The following ZSWIM5 variants were observed in gnomAD, a reference collection of about 807,000 sequenced individuals.
ZSWIM5 encodes the protein zinc finger SWIM domain-containing protein 5.
In ZSWIM5, 55 loss-of-function variants were observed where a neutral mutation model predicts 119.6. The ratio of observed to expected loss-of-function variants is 0.46; its 90% CI spans 0.37 to 0.58. The LOEUF (loss-of-function observed/expected upper bound fraction) is 0.58. Ranked by LOEUF, ZSWIM5 falls within the 20% of genes least tolerant of loss-of-function variation. The pLI is 0.00. For missense variants in ZSWIM5, 1,193 were observed against 1,512.8 expected (o/e 0.79, Z 3.51); for synonymous variants, 537 against 606.9 (o/e 0.88, Z 1.69).
At chr1:45,024,865 G>C (rs1222534969) in intron 11 of ZSWIM5, among the ~76,000 whole-genome samples, 1 of 151,984 alleles carries the variant, frequency 6.6e-6, no homozygotes, top group Non-Finnish European at 1.5e-5. Flanking sequence ...ATGTTGGCCA[G>C]GCTGGTCTTG....
chr1:45,182,190 G>A (rs867138036), intron 1 of ZSWIM5, among the ~76,000 whole-genome samples: 2 of 152,154 alleles, frequency 1.3e-5, no homozygotes, highest in African/African-American at 2.4e-5. Flanking sequence ...GCCGAGGCGG[G>A]CGGATCACGA....
intron 2 of ZSWIM5, among the ~76,000 whole-genome samples, chr1:45,064,915 T>C (rs887819550): frequency 1.3e-5 from 2 of 152,206 alleles, no homozygotes; most frequent in Non-Finnish European, 2.9e-5. Flanking sequence ...GATTCACTAG[T>C]TGGTTTTAGG....
At chr1:45,133,426 C>T (rs1645670861) in intron 1 of ZSWIM5, among the ~76,000 whole-genome samples, 1 of 152,158 alleles carries the variant, frequency 6.6e-6, no homozygotes, top group African/African-American at 2.4e-5. Context: ...TGAGAAGTGT[C>T]CATTCATATC....
At chr1:45,097,611 T>C (rs777294218) in intron 1 of ZSWIM5, among the ~76,000 whole-genome samples, 31 of 152,242 alleles carry the variant, frequency 2.0e-4, no homozygotes, top group African/African-American at 7.2e-4. Context: ...GAAATTATTA[T>C]AAAATGATCA....
intron 2 of ZSWIM5, among the ~76,000 whole-genome samples, chr1:45,063,838 T>C (rs6656325): frequency 0.019 from 2,828 of 151,962 alleles, 93 homozygotes; most frequent in African/African-American, 0.065. Context: ...AAAAATTAGC[T>C]GGGTGTGGTG....
intron 1 of ZSWIM5, among the ~76,000 whole-genome samples, chr1:45,126,659 T>C (rs1645623643): frequency 6.6e-6 from 1 of 151,966 alleles, no homozygotes; most frequent in South Asian, 2.1e-4. Context: ...TCCCAGCACT[T>C]AGAGAGGCAG....
intron 1 of ZSWIM5, among the ~76,000 whole-genome samples, chr1:45,126,786 T>C (rs1460934444): frequency 6.6e-6 from 1 of 152,160 alleles, no homozygotes; most frequent in Non-Finnish European, 1.5e-5. Context: ...ACATAATTGC[T>C]TATAGAAATG....
intron 6 of ZSWIM5, among the ~76,000 whole-genome samples, chr1:45,041,460 C>T (rs1003657149): frequency 6.6e-6 from 1 of 151,344 alleles, no homozygotes; most frequent in Non-Finnish European, 1.5e-5. Flanking sequence ...TTTGAAAATA[C>T]ATATAAAGAA....
At chr1:45,150,899 A>G (rs1354799500) in intron 1 of ZSWIM5, among the ~76,000 whole-genome samples, 1 of 152,276 alleles carries the variant, frequency 6.6e-6, no homozygotes, top group East Asian at 1.9e-4. Context: ...AAACTTCCAC[A>G]TTGCCATTTG....
At chr1:45,067,274 TA>T (rs965762697) in intron 2 of ZSWIM5, among the ~76,000 whole-genome samples, 3 of 151,480 alleles carry the variant, frequency 2.0e-5, no homozygotes, top group African/African-American at 7.3e-5. Context: ...CCTGTCTCTA[TA>T]AAAAAATACA....
intron 11 of ZSWIM5, among the ~76,000 whole-genome samples, chr1:45,024,192 C>CTTTTTTTTTTTT (rs59909524): frequency 1.5e-5 from 2 of 129,534 alleles, no homozygotes; most frequent in African/African-American, 2.9e-5. Flanking sequence ...CTTTTCTTTT[C>CTTTTTTTTTTTT]TTTTTTTTTT....
intron 2 of ZSWIM5, among the ~76,000 whole-genome samples, chr1:45,061,522 C>T (rs1468157653): frequency 6.6e-6 from 1 of 151,862 alleles, no homozygotes; most frequent in African/African-American, 2.4e-5. Context: ...AGGCATGTGC[C>T]ACCATGCCTG....
At chr1:45,175,736 A>G (rs911120510) in intron 1 of ZSWIM5, among the ~76,000 whole-genome samples, 10 of 151,554 alleles carry the variant, frequency 6.6e-5, no homozygotes, top group African/African-American at 2.4e-4. Flanking sequence ...ATAGGCATGA[A>G]CCATGGCACC....
At chr1:45,153,095 AAAAAAAAAAAAAAAAG>A (rs1645807017) in intron 1 of ZSWIM5, among the ~76,000 whole-genome samples, 1 of 58,770 alleles carries the variant, frequency 1.7e-5, no homozygotes, top group African/African-American at 1.3e-4. Flanking sequence ...TAAAAAGTTA[AAAAAAAAAAAAAAAAG>A]AAAAAAGAAA....
At chr1:45,198,088 C>G (rs541476578) in intron 1 of ZSWIM5, among the ~76,000 whole-genome samples, 1 of 152,358 alleles carries the variant, frequency 6.6e-6, no homozygotes, top group Admixed American at 6.5e-5. Flanking sequence ...CAGACAATTA[C>G]AGCAGAAACA....
chr1:45,062,038 C>T (rs765869521), intron 2 of ZSWIM5, among the ~76,000 whole-genome samples: 6 of 152,022 alleles, frequency 3.9e-5, no homozygotes, highest in Non-Finnish European at 5.9e-5. Flanking sequence ...TGCAGTGAGC[C>T]GAGATCGTGC....
At position 45,072,937 on chromosome 1, in the gene ZSWIM5, G is replaced by C. The variant is rs975224344; in HGVS notation, c.953-12690C>G. 2.0e-5 allele frequency among the ~76,000 whole-genome samples: 3 copies of C among 151,904 alleles called. No individual in the cohort carries two copies. Among genetic ancestry groups the C allele is most frequent in the Middle Eastern group, 3.2e-3 (1 of 316 alleles). ...TTTCACATAGCAAAAAACAATTTTAGAATTGTGTTTTCTATTTCTGTGAAG... is the reference window on the plus strand; with the variant it reads ...TTTCACATAGCAAAAAACAATTTTACAATTGTGTTTTCTATTTCTGTGAAG... On this transcript the variant is annotated intron_variant, in intron 2 of 13. Transcript: ENST00000359600. This position sits in a 1 kb window ranked among gnomAD's most constrained non-coding sequence, Gnocchi z 4.1.
At chr1:45,022,661 A>G (rs1427249457) in intron 11 of ZSWIM5, among the ~76,000 whole-genome samples, 2 of 152,206 alleles carry the variant, frequency 1.3e-5, no homozygotes, top group Non-Finnish European at 2.9e-5. Flanking sequence ...GATAGTACAG[A>G]GAGTTCCCAT....
In ZSWIM5 at chr1:45,103,599, TC is replaced by T. The variant is rs1645452984; in HGVS notation, c.596-15363del. Among the ~76,000 whole-genome samples the T allele has an allele frequency of 3.3e-5, 5 of 152,150 alleles. No individual in the cohort carries two copies. In the South Asian group the frequency reaches 1.0e-3, roughly 32 times the overall value. On this transcript the variant is annotated intron_variant, in intron 1 of 13. Coordinates refer to ENST00000359600, the MANE Select transcript of ZSWIM5 (RefSeq NM_020883.2). ...AGTGTAATTCTACAAAGACAGAGAGTCCTGCACTAATAACAAGTCAGTAAAC... is the reference window on the plus strand; with the variant it reads ...AGTGTAATTCTACAAAGACAGAGAGTCTGCACTAATAACAAGTCAGTAAAC...
Sources: gnomAD v4.1 joint callset for allele counts (sites outside exome capture counted in the v4.1 genomes callset) on GRCh38, gnomAD v4.1.1 for gene constraint, Gnocchi (gnomAD v3.1) non-coding constraint, MANE v1.5 for transcripts, NCBI Gene and HGNC (gene_info 2026-07-23, HGNC 2026-07-21) for gene names.